NBAS: variants seen among roughly 807,000 people sequenced by gnomAD.
NBAS encodes the protein NAG/BC035112 fusion.
In NBAS, 219 loss-of-function variants were observed where a neutral mutation model predicts 302.5. The observed-to-expected ratio is 0.72, with a 90% CI of 0.65 to 0.81. The LOEUF is 0.81. Ranked by LOEUF, NBAS falls within the 30% of genes least tolerant of loss-of-function variation. The pLI is 0.00. For missense variants in NBAS, 2,932 were observed against 2,841.6 expected, an observed-to-expected ratio of 1.03 and a Z score of -0.72; for synonymous variants, 1,118 against 1,021.6, an observed-to-expected ratio of 1.09 and a Z score of -1.80.
At chr2:14,832,721 G>A in the NBAS span, among the ~76,000 whole-genome samples, 3 of 152,088 alleles carry the variant, frequency 2.0e-5, no homozygotes, top group Admixed American at 6.6e-5. Flanking sequence ...TACATCTCCC[G>A]TTACATGCAT....
chr2:14,781,514 C>G, the NBAS span, among the ~76,000 whole-genome samples: 55 of 151,638 alleles, frequency 3.6e-4, 1 homozygote, highest in East Asian at 0.01. Flanking sequence ...AGGTTCTGGT[C>G]ATTTCTTTTC....
intron 28 of NBAS, among the ~76,000 whole-genome samples, chr2:15,388,810 G>A (rs1381605022): frequency 6.6e-6 from 1 of 151,944 alleles, no homozygotes; most frequent in East Asian, 1.9e-4. Flanking sequence ...CATTGAGAAT[G>A]AACAAACTAA....
At chr2:14,835,311 A>G in the NBAS span, among the ~76,000 whole-genome samples, 1 of 152,058 alleles carries the variant, frequency 6.6e-6, no homozygotes, top group Admixed American at 6.6e-5. Flanking sequence ...TATTTTGAAT[A>G]TATTTGTGAA....
At chr2:14,853,992 C>T in the NBAS span, among the ~76,000 whole-genome samples, 14 of 143,472 alleles carry the variant, frequency 9.8e-5, no homozygotes, top group Admixed American at 1.4e-4. Context: ...TTAGTGGGTG[C>T]AGCGCACCAG....
the NBAS span, among the ~76,000 whole-genome samples, chr2:14,815,491 A>G: frequency 6.6e-6 from 1 of 152,252 alleles, no homozygotes; most frequent in East Asian, 1.9e-4. Context: ...AGCTGTGTCA[A>G]CAATGAATAA....
the NBAS span, among the ~76,000 whole-genome samples, chr2:14,898,877 G>A: frequency 1.6e-3 from 249 of 152,238 alleles, 1 homozygote; most frequent in African/African-American, 5.8e-3. Context: ...CCTTACTATT[G>A]TCTCTATGGT....
chr2:15,014,382 C>T, the NBAS span, among the ~76,000 whole-genome samples: 5 of 152,144 alleles, frequency 3.3e-5, no homozygotes, highest in Admixed American at 3.3e-4. Flanking sequence ...TATTTTAGGA[C>T]ACAAAACAAG....
At chr2:15,503,386 T>C (rs1428855562) in intron 11 of NBAS, among the ~76,000 whole-genome samples, 1 of 152,200 alleles carries the variant, frequency 6.6e-6, no homozygotes, top group Non-Finnish European at 1.5e-5. Context: ...TCTGCAGATA[T>C]GAAGGCCTGA....
the NBAS span, among the ~76,000 whole-genome samples, chr2:15,123,399 G>C: frequency 6.6e-6 from 1 of 152,156 alleles, no homozygotes; most frequent in Non-Finnish European, 1.5e-5. Context: ...GGTGAAGGGA[G>C]CTGATATAGT....
chr2:15,068,908 C>G, the NBAS span, among the ~76,000 whole-genome samples: 1 of 152,164 alleles, frequency 6.6e-6, no homozygotes, highest in African/African-American at 2.4e-5. Flanking sequence ...AGGTCAAGAG[C>G]TGCATCCAGT....
At chr2:15,545,046 C>T (rs1269398688) in intron 6 of NBAS, among the ~76,000 whole-genome samples, 2 of 151,856 alleles carry the variant, frequency 1.3e-5, no homozygotes, top group South Asian at 2.1e-4. Context: ...CCGCGCTATA[C>T]CCAAGAACCA....
intron 48 of NBAS, among the ~76,000 whole-genome samples, chr2:15,207,344 GAACT>G (rs1666195682): frequency 6.6e-6 from 1 of 152,174 alleles, no homozygotes; most frequent in South Asian, 2.1e-4. Flanking sequence ...TTGTATCTTG[GAACT>G]AACTAATTTG....
At chr2:15,022,034 G>T in the NBAS span, among the ~76,000 whole-genome samples, 4,424 of 152,206 alleles carry the variant, frequency 0.029, 188 homozygotes, top group African/African-American at 0.092. Flanking sequence ...TCACTTGATG[G>T]AGTGAGAGAA....
chr2:15,135,840 C>T, the NBAS span, among the ~76,000 whole-genome samples: 1 of 144,184 alleles, frequency 6.9e-6, no homozygotes, highest in Non-Finnish European at 1.5e-5. Flanking sequence ...ACATAAAATA[C>T]ACTAACACTA....
the NBAS span, among the ~76,000 whole-genome samples, chr2:14,925,605 T>C: frequency 6.6e-6 from 1 of 152,302 alleles, no homozygotes; most frequent in Non-Finnish European, 1.5e-5. Flanking sequence ...CAGAATGGCA[T>C]TTTTCCCTTT....
intron 10 of NBAS, among the ~76,000 whole-genome samples, chr2:15,509,837 T>A (rs758921672): frequency 1.4e-5 from 2 of 139,130 alleles, no homozygotes; most frequent in Non-Finnish European, 3.1e-5. Context: ...AGCTGCATAA[T>A]TTTGGCCAAG....
At chr2:15,461,428 ATGCAGCTC>A (rs1227886034) in intron 20 of NBAS, 91 bp from the exon 21 acceptor site, 1 of 1,361,302 alleles carries the variant, frequency 7.3e-7, no homozygotes, top group African/African-American at 1.4e-5. Flanking sequence ...TAACTTTTTT[ATGCAGCTC>A]TGATATGAAA....
intron 25 of NBAS, among the ~76,000 whole-genome samples, chr2:15,414,607 T>C (rs758295800): frequency 6.6e-5 from 10 of 152,316 alleles, no homozygotes; most frequent in Non-Finnish European, 1.2e-4. Context: ...TACAAAGCTA[T>C]ACATATAGTA....
the NBAS span, among the ~76,000 whole-genome samples, chr2:14,873,687 CA>C: frequency 1.1e-3 from 123 of 114,800 alleles, no homozygotes; most frequent in Middle Eastern, 0.01. Flanking sequence ...TGATGTTTTC[CA>C]AAAAAAAAAA....
Sources: gnomAD v4.1 joint callset for allele counts (sites outside exome capture counted in the v4.1 genomes callset) on GRCh38, gnomAD v4.1.1 for gene constraint, MANE v1.5 for transcripts, NCBI Gene and HGNC (gene_info 2026-07-23, HGNC 2026-07-21) for gene names.